Variants in RBM22 observed in about 807,000 individuals in gnomAD.
The protein encoded by RBM22 is pre-mRNA-splicing factor RBM22.
A neutral mutation model predicts 50.1 loss-of-function variants in RBM22; 1 was observed. The ratio of observed to expected loss-of-function variants is 0.02; its 90% confidence interval spans 0.01 to 0.09. The LOEUF (loss-of-function observed/expected upper bound fraction) is 0.09. Ranked by LOEUF, RBM22 falls within the 10% of genes least tolerant of loss-of-function variation. The probability of loss-of-function intolerance (pLI) is 1.00; values close to 1 mark genes in which losing one functional copy is unlikely to be tolerated. For missense variants in RBM22, 264 were observed against 529.3 expected, an observed-to-expected ratio of 0.50 and a Z score of 4.92; for synonymous variants, 152 against 179.0, an observed-to-expected ratio of 0.85 and a Z score of 1.20.
At chr5:150,695,859 A>C (rs979664605) in intron 6 of RBM22, among the ~76,000 whole-genome samples, 153 bp from the exon 7 acceptor site, 5 of 150,644 alleles carry the variant, frequency 3.3e-5, no homozygotes, top group African/African-American at 9.8e-5. Context: ...ATAATTACCA[A>C]AATAGACCTA....
Position 150,696,896 on chromosome 5 carries a change from T to G in RBM22, c.272-5A>C. ...CACGAACCTGGATGGGCAGGCCTGG[T>G]ACAAAAAAAGAGGAAAAAGACCTCA... On this transcript the variant is annotated splice_polypyrimidine_tract_variant and splice_region_variant and intron_variant, in intron 4 of 10. Coordinates refer to ENST00000199814, the MANE Select transcript of RBM22 (RefSeq NM_018047.3). This position sits in a 1 kb window ranked among gnomAD's most constrained non-coding sequence, Gnocchi z 4.3. The G allele has an allele frequency of 6.2e-7, 1 of 1,613,714 alleles. No homozygotes were observed. The highest frequency in any genetic ancestry group is 8.5e-7 in the Non-Finnish European group (1 of 1,179,782).
chr5:150,699,103 G>A, intron 3 of RBM22, 139 bp downstream of exon 3: 1 of 1,207,092 alleles, frequency 8.3e-7, no homozygotes, highest in Non-Finnish European at 1.1e-6. Context: ...GCCAGCCAAT[G>A]AATATATCAG....
In RBM22 at chr5:150,695,652, G is replaced by A. The variant is rs376547079; in HGVS notation, c.600C>T (p.Asp200=). 30 of 1,612,412 alleles carry A rather than the reference G, an allele frequency of 1.9e-5. No homozygotes were observed. In the African/African-American group the frequency reaches 2.9e-4, roughly 16 times the overall value. ...DDPLADQNIK[D]RYYGINDPVA... ...CAGGATCATTGATTCCGTAATAACGGTCTTTAATATTCTGATCAGCAAGGG... is the reference window on the plus strand; with the variant it reads ...CAGGATCATTGATTCCGTAATAACGATCTTTAATATTCTGATCAGCAAGGG... The change falls in exon 7 of 11, where the codon GAC becomes GAT. Residue 200 remains aspartate (D), a synonymous_variant. Transcript: ENST00000199814.
In RBM22 at chr5:150,691,732, C is replaced by A; in HGVS notation, c.*19G>T. On this transcript the variant is annotated 3_prime_UTR_variant, in exon 11 of 11. Transcript: ENST00000199814. ...TAAGTGCCCTTTCTTCCACAGAGCC[C>A]CAGAGTGGTGACAAGGTGCTAGGGG... 1 of 1,529,066 alleles carries A rather than the reference C, an allele frequency of 6.5e-7. No individual in the cohort carries two copies. Among genetic ancestry groups the A allele is most frequent in the Non-Finnish European group, 8.8e-7 (1 of 1,137,466 alleles). 94.7% of individuals were successfully genotyped at this position (1,529,066 alleles called of 1,614,324 possible). A position where few individuals can be genotyped will look rare whatever the true frequency, so the allele number is the denominator to read the frequency against.
intron 1 of RBM22, 107 bp from the exon 2 acceptor site, chr5:150,700,604 A>T (rs771767112): frequency 1.3e-6 from 2 of 1,570,578 alleles, no homozygotes; most frequent in Non-Finnish European, 1.7e-6. Flanking sequence ...GGAACTAGGC[A>T]CGGCAGGAAC....
At chr5:150,691,952 G>A (rs1381911809) in intron 10 of RBM22, 71 bp from the exon 11 acceptor site, 4 of 1,389,588 alleles carry the variant, frequency 2.9e-6, no homozygotes, top group Non-Finnish European at 3.8e-6. Context: ...TCTCAATCTT[G>A]CTAAGGTTAA....
At chr5:150,692,044 T>C (rs1479213160) in intron 10 of RBM22, among the ~76,000 whole-genome samples, 163 bp from the exon 11 acceptor site, 2 of 152,220 alleles carry the variant, frequency 1.3e-5, no homozygotes, top group Non-Finnish European at 2.9e-5. Context: ...GTTATTTCCT[T>C]GGTTTTAGAA....
At chr5:150,699,971 G>A (rs183204625) in intron 2 of RBM22, among the ~76,000 whole-genome samples, 2 of 152,240 alleles carry the variant, frequency 1.3e-5, no homozygotes, top group Admixed American at 6.5e-5. Flanking sequence ...CCTTATTATT[G>A]TTAACTGGTT....
chr5:150,700,688 A>T lies in RBM22; in HGVS notation c.55-191T>A, dbSNP rs2151458261. 3.3e-6 allele frequency: 5 copies of T among 1,527,304 alleles called. No individual in the cohort carries two copies. The South Asian group carries it at 6.0e-5, about 18-fold the overall frequency. The allele number at this position is 1,527,304 out of a possible 1,614,324, so 94.6% of individuals were successfully genotyped here. On this transcript the variant is annotated intron_variant, in intron 1 of 10. Transcript: ENST00000199814. ...CCGGCAGGCGGCGGGAGAAAAGAAA[A>T]CCAGCTCTAATAGGCTGGAGGGGGC...
At chr5:150,692,788 TACAGA>T (rs1161072512) in intron 10 of RBM22, 102 bp downstream of exon 10, 5 of 1,284,708 alleles carry the variant, frequency 3.9e-6, no homozygotes, top group Non-Finnish European at 5.3e-6. Flanking sequence ...GGTAGACTTC[TACAGA>T]GCAAACTCAC....
chr5:150,692,705 A>G (rs1327514924), intron 10 of RBM22, among the ~76,000 whole-genome samples, 190 bp downstream of exon 10: 1 of 152,170 alleles, frequency 6.6e-6, no homozygotes, highest in African/African-American at 2.4e-5. Context: ...TCTTTAGAAA[A>G]CTGGCCCCTT....
At chr5:150,695,300 G>A in intron 7 of RBM22, 1 of 564,844 alleles carries the variant, frequency 1.8e-6, no homozygotes, top group Non-Finnish European at 3.1e-6. Flanking sequence ...ACAGGCATGA[G>A]GCACTGTGCC....
At chr5:150,692,779 G>C (rs187053799) in intron 10 of RBM22, 116 bp downstream of exon 10, 2 of 1,179,774 alleles carry the variant, frequency 1.7e-6, no homozygotes, top group East Asian at 5.0e-5. Flanking sequence ...AACTTTACTG[G>C]TAGACTTCTA....
rs199790245 is a variant in RBM22 at position 150,700,977 on chromosome 5, G to A, written c.9C>T (p.Thr3=). 2 of 1,614,232 alleles carry A rather than the reference G, an allele frequency of 1.2e-6. No homozygotes were observed. The highest frequency in any genetic ancestry group is 2.2e-5 in the South Asian group (2 of 91,088). Residue 3 remains threonine (T), a synonymous_variant, in exon 1 of 11, where the codon ACC becomes ACT. Transcript: ENST00000199814. The stretch of plus-strand genomic sequence containing the variant: ...TGTTGTAGGTGTTGGAACCCAGAGA[G>A]GTCGCCATCTTGAGAGCGTCCGGAG... MA[T]SLGSNTYNRQ...
Position 150,693,376 on chromosome 5 carries a change from C to T in RBM22, c.912-69G>A, listed in dbSNP as rs767829103. On this transcript the variant is annotated intron_variant, in intron 8 of 10. Coordinates refer to ENST00000199814, the MANE Select transcript of RBM22 (RefSeq NM_018047.3). ...ATCTCACACCTCTGCTTCTTACATT[C>T]CCCAGTCCAATGGAGTTCCTTCGCT... is the stretch of plus-strand genomic sequence containing the variant. The T allele has an allele frequency of 1.3e-3, 1,671 of 1,258,842 alleles. 17 individuals are homozygous for T. Among genetic ancestry groups the T allele is most frequent in the Middle Eastern group, 3.2e-3 (17 of 5,304 alleles). 78.0% of individuals were successfully genotyped at this position (1,258,842 alleles called of 1,614,324 possible).
intron 1 of RBM22, 129 bp from the exon 2 acceptor site, chr5:150,700,626 C>G: frequency 6.5e-7 from 1 of 1,546,136 alleles, no homozygotes; most frequent in Non-Finnish European, 8.7e-7. Context: ...CGAAGTCCAT[C>G]ACGACCCGAT....
At position 150,700,922 on chromosome 5, in the gene RBM22, G is replaced by GCA; in HGVS notation, c.54+8_54+9dup. The GCA allele has an allele frequency of 6.2e-7, 1 of 1,614,228 alleles. No homozygotes were observed. The highest frequency in any genetic ancestry group is 1.7e-5 in the Admixed American group (1 of 60,028). ...TCCTCCTTCCATCCTCCTCCGGCAGGCACACTCACCGCATCCTCCCAGTTC... is the reference window on the plus strand; with the variant it reads ...TCCTCCTTCCATCCTCCTCCGGCAGGCACACACTCACCGCATCCTCCCAGTTC... On this transcript the variant is annotated intron_variant, in intron 1 of 10. Transcript: ENST00000199814.
rs371134910 is a variant in RBM22 at position 150,696,783 on chromosome 5, C to T, written c.372+8G>A. Reference sequence around the variant, plus strand: ...ATTAGGATTTTTATCCAAAAAGTGGCAGCATACCTCTCTCTCCATATTCTG... The same window carrying T: ...ATTAGGATTTTTATCCAAAAAGTGGTAGCATACCTCTCTCTCCATATTCTG... On this transcript the variant is annotated splice_region_variant and intron_variant, in intron 5 of 10. Coordinates refer to ENST00000199814, the MANE Select transcript of RBM22 (RefSeq NM_018047.3). This position sits in a 1 kb window ranked among gnomAD's most constrained non-coding sequence, Gnocchi z 4.3. The T allele has an allele frequency of 3.7e-5, 60 of 1,613,920 alleles. No homozygotes were observed. In the African/African-American group the frequency reaches 7.5e-4, roughly 20 times the overall value.
intron 1 of RBM22, 69 bp downstream of exon 1, chr5:150,700,863 T>A (rs770276024): frequency 6.2e-7 from 1 of 1,613,830 alleles, no homozygotes. Context: ...CCGCAGGCCC[T>A]GTCCTGCCAG....
Sources: gnomAD v4.1 joint callset for allele counts (sites outside exome capture counted in the v4.1 genomes callset) on GRCh38, gnomAD v4.1.1 for gene constraint, Gnocchi (gnomAD v3.1) non-coding constraint, MANE v1.5 for transcripts, NCBI Gene and HGNC (gene_info 2026-07-23, HGNC 2026-07-21) for gene names.